PKNOX2: variants seen among roughly 807,000 people sequenced by gnomAD.
The protein encoded by PKNOX2 is PBX/knotted 1 homeobox 2, also known as homeobox protein PKNOX2.
In PKNOX2, 14 loss-of-function variants were observed where a neutral mutation model predicts 53.1. That is an observed-to-expected ratio of 0.26 (90% confidence interval 0.17 to 0.41). The LOEUF is 0.41. Ranked by LOEUF, PKNOX2 falls within the 10% of genes least tolerant of loss-of-function variation. The pLI, the probability that PKNOX2 is intolerant of heterozygous loss-of-function variation, is 1.00. For missense variants in PKNOX2, 496 were observed against 602.8 expected (o/e 0.82, Z 1.85); for synonymous variants, 257 against 242.8 (o/e 1.06, Z -0.54).
Position 125,165,192 on chromosome 11 carries a change from C to A in PKNOX2, c.-201+416C>A, listed in dbSNP as rs995639471. On this transcript the variant is annotated intron_variant, in intron 1 of 12. Coordinates refer to ENST00000298282, the MANE Select transcript of PKNOX2 (RefSeq NM_001382323.2). The surrounding 1 kb of genome is among the most constrained non-coding windows in gnomAD (Gnocchi z 4.5). ...GCCTCGCCGCGCTTGGGCCCGTGGCCGGCCGCGCATTGTCCTCGGGTGCAA... is the reference window on the plus strand; with the variant it reads ...GCCTCGCCGCGCTTGGGCCCGTGGCAGGCCGCGCATTGTCCTCGGGTGCAA... Among the ~76,000 whole-genome samples, 3 of 150,844 alleles carry A rather than the reference C, an allele frequency of 2.0e-5. No individual in the cohort carries two copies. The highest frequency in any genetic ancestry group is 7.3e-5 in the African/African-American group (3 of 41,288).
At chr11:125,309,131 CT>C (rs1948640752) in intron 2 of PKNOX2, among the ~76,000 whole-genome samples, 5 of 102,438 alleles carry the variant, frequency 4.9e-5, no homozygotes, top group African/African-American at 8.8e-5. Flanking sequence ...TTACCTCTTC[CT>C]TTCTTTCTTT....
intron 1 of PKNOX2, chr11:125,190,060 G>C (rs1956785228): frequency 6.6e-6 from 1 of 152,134 alleles, no homozygotes; most frequent in Non-Finnish European, 1.5e-5. Flanking sequence ...CAAGCAGCTG[G>C]GACTACAGGT....
chr11:125,375,371 C>T (rs1389786353), intron 5 of PKNOX2, among the ~76,000 whole-genome samples: 1 of 152,100 alleles, frequency 6.6e-6, no homozygotes, highest in Non-Finnish European at 1.5e-5. Context: ...TGCTTGGACC[C>T]CAGGATGTGT....
chr11:125,359,192 G>A (rs1056062542), intron 4 of PKNOX2, among the ~76,000 whole-genome samples: 142 of 150,264 alleles, frequency 9.5e-4, no homozygotes, highest in African/African-American at 3.5e-3. Flanking sequence ...GGTGTGAGGC[G>A]ATAGGGTAAG....
intron 5 of PKNOX2, among the ~76,000 whole-genome samples, chr11:125,372,383 G>A (rs1228144970): frequency 2.6e-5 from 4 of 152,198 alleles, no homozygotes; most frequent in African/African-American, 7.2e-5. Flanking sequence ...ATTTACATGC[G>A]TAAGCCCATC....
chr11:125,201,871 C>G (rs1324364693), intron 1 of PKNOX2, among the ~76,000 whole-genome samples: 1 of 152,184 alleles, frequency 6.6e-6, no homozygotes, highest in East Asian at 1.9e-4. Flanking sequence ...TAGCATCAGC[C>G]TAGGTTGGGG....
At chr11:125,305,353 C>G (rs1422462161) in intron 2 of PKNOX2, among the ~76,000 whole-genome samples, 4 of 152,230 alleles carry the variant, frequency 2.6e-5, no homozygotes, top group Non-Finnish European at 5.9e-5. Context: ...TTCTACCCAA[C>G]CACACTGACC....
In PKNOX2 at chr11:125,362,700, A is replaced by G. The variant is rs11220033; in HGVS notation, c.88-5146A>G. 9.6e-4 allele frequency among the ~76,000 whole-genome samples: 146 copies of G among 152,098 alleles called. No homozygotes were observed. The East Asian group carries it at 0.011, about 12-fold the overall frequency. Reference sequence around the variant, plus strand: ...AATATTTTATTAGCTTATTAGAACAAAACATGTCACTCTTCCCCTACAATT... The same window carrying G: ...AATATTTTATTAGCTTATTAGAACAGAACATGTCACTCTTCCCCTACAATT... On this transcript the variant is annotated intron_variant, in intron 4 of 12. Coordinates refer to ENST00000298282, the MANE Select transcript of PKNOX2 (RefSeq NM_001382323.2).
At chr11:125,226,835 C>T (rs780300129) in intron 1 of PKNOX2, among the ~76,000 whole-genome samples, 1 of 151,208 alleles carries the variant, frequency 6.6e-6, no homozygotes. Context: ...TCTGGAGTTG[C>T]CTTCCCTGTT....
chr11:125,325,153 C>T (rs1949758412), intron 2 of PKNOX2, among the ~76,000 whole-genome samples: 1 of 152,162 alleles, frequency 6.6e-6, no homozygotes, highest in Admixed American at 6.5e-5. Flanking sequence ...CCAATCTCTC[C>T]CCCAGGCCCC....
intron 1 of PKNOX2, among the ~76,000 whole-genome samples, chr11:125,203,564 G>C (rs1044015632): frequency 1.3e-5 from 2 of 152,184 alleles, no homozygotes; most frequent in South Asian, 2.1e-4. Flanking sequence ...GGACTGCAAG[G>C]CCTCAGTTTT....
At chr11:125,283,045 G>A (rs192194756) in intron 2 of PKNOX2, among the ~76,000 whole-genome samples, 52 of 152,194 alleles carry the variant, frequency 3.4e-4, no homozygotes, top group South Asian at 1.2e-3. Flanking sequence ...CCAGCTACTC[G>A]GGAGGCTGAG....
chr11:125,288,131 T>G (rs1215661084), intron 2 of PKNOX2: 1 of 152,204 alleles, frequency 6.6e-6, no homozygotes, highest in Admixed American at 6.5e-5. Flanking sequence ...GAGACTGTTT[T>G]TTCGCTCCAG....
chr11:125,374,472 T>C (rs1357386674), intron 5 of PKNOX2, among the ~76,000 whole-genome samples: 1 of 152,228 alleles, frequency 6.6e-6, no homozygotes, highest in Non-Finnish European at 1.5e-5. Flanking sequence ...GCTGGAGCTA[T>C]AATCTGAAAA....
At chr11:125,323,099 G>T (rs955627609) in intron 2 of PKNOX2, among the ~76,000 whole-genome samples, 1 of 152,076 alleles carries the variant, frequency 6.6e-6, no homozygotes, top group Non-Finnish European at 1.5e-5. Flanking sequence ...GAGCAGTGAC[G>T]TGCTGATGCA....
intron 6 of PKNOX2, among the ~76,000 whole-genome samples, chr11:125,386,713 A>ACACAC (rs1953658074): frequency 7.1e-6 from 1 of 141,040 alleles, no homozygotes; most frequent in South Asian, 2.4e-4. Flanking sequence ...GAAGAAAAAG[A>ACACAC]ACACACACAC....
At chr11:125,416,026 G>A (rs572815861) in intron 10 of PKNOX2, among the ~76,000 whole-genome samples, 13 of 152,194 alleles carry the variant, frequency 8.5e-5, no homozygotes, top group East Asian at 5.8e-4. Flanking sequence ...ATTACAGGCC[G>A]GGTGCGGTGG....
intron 2 of PKNOX2, among the ~76,000 whole-genome samples, chr11:125,292,480 TC>T (rs1432904629): frequency 7.9e-5 from 12 of 152,148 alleles, no homozygotes; most frequent in Admixed American, 2.0e-4. Context: ...CCCTATCTGG[TC>T]CAGGTTCGGG....
intron 2 of PKNOX2, among the ~76,000 whole-genome samples, chr11:125,239,095 A>T (rs1460917846): frequency 6.6e-6 from 1 of 152,244 alleles, no homozygotes; most frequent in African/African-American, 2.4e-5. Flanking sequence ...AATAAATAAA[A>T]AGTGGAGTTG....
Sources: allele counts gnomAD v4.1 joint callset (sites outside exome capture counted in the v4.1 genomes callset), GRCh38; gene constraint gnomAD v4.1.1; non-coding constraint Gnocchi (gnomAD v3.1); transcripts MANE v1.5; gene names NCBI Gene and HGNC (gene_info 2026-07-23, HGNC 2026-07-21).